Variants in NR5A2 observed in about 807,000 individuals in gnomAD.
The protein encoded by NR5A2 is nuclear receptor subfamily 5 group A member 2.
A neutral mutation model predicts 62.7 loss-of-function variants in NR5A2; 26 were observed. The ratio of observed to expected loss-of-function variants is 0.41; its 90% confidence interval spans 0.30 to 0.58. The LOEUF is 0.58. Ranked by LOEUF, NR5A2 falls within the 20% of genes least tolerant of loss-of-function variation. The pLI is 0.22. For missense variants in NR5A2, 541 were observed against 669.1 expected, an observed-to-expected ratio of 0.81 and a Z score of 2.11; for synonymous variants, 246 against 241.7, an observed-to-expected ratio of 1.02 and a Z score of -0.16.
rs1409298590 is a variant in NR5A2 at position 200,111,223 on chromosome 1, C to A, written c.1132C>A (p.Leu378Ile). 2 of 1,612,264 alleles carry A rather than the reference C, an allele frequency of 1.2e-6. No individual in the cohort carries two copies. Among genetic ancestry groups the A allele is most frequent in the Non-Finnish European group, 8.5e-7 (1 of 1,179,552 alleles). Residue 378 changes from leucine to isoleucine, a missense_variant, in exon 6 of 8, where the codon CTT becomes ATT. Leu to Ile is a conservative substitution (Grantham distance 5, BLOSUM62 2). Transcript: ENST00000367362. ...GCAGGTTGATGACCAAATGAAGCTG[C>A]TTCAGAACTGCTGGAGTGAGCTCTT... is the stretch of plus-strand genomic sequence containing the variant. ...ELKVDDQMKL[L>I]QNCWSELLIL...
At chr1:200,123,765 T>TTG (rs1666581242) in intron 7 of NR5A2, among the ~76,000 whole-genome samples, 1 of 148,550 alleles carries the variant, frequency 6.7e-6, no homozygotes, top group African/African-American at 2.5e-5. Flanking sequence ...TTTTTTTTTT[T>TTG]GCTTTTATTC....
chr1:200,097,135 C>T lies in NR5A2; in HGVS notation c.1111-14067C>T, dbSNP rs1182390298. ...CATGGAAAATGTAAACGATTTCTTT[C>T]TATAAATATCAAACCCATTTTCTCT... On this transcript the variant is annotated intron_variant, in intron 5 of 7. Coordinates refer to ENST00000367362, the MANE Select transcript of NR5A2 (RefSeq NM_205860.3). Among the ~76,000 whole-genome samples, 5 of 152,190 alleles carry T rather than the reference C, an allele frequency of 3.3e-5. No individual in the cohort carries two copies. In the South Asian group the frequency reaches 6.2e-4, roughly 19 times the overall value.
chr1:200,158,942 C>T (rs1471391513), intron 7 of NR5A2, among the ~76,000 whole-genome samples: 5 of 151,744 alleles, frequency 3.3e-5, no homozygotes, highest in African/African-American at 4.8e-5. Flanking sequence ...CTCTGTCACC[C>T]AGGCTAGAAT....
chr1:200,035,544 G>C (rs185681705), intron 1 of NR5A2, among the ~76,000 whole-genome samples: 41 of 152,286 alleles, frequency 2.7e-4, no homozygotes, highest in Admixed American at 2.5e-3. Flanking sequence ...CGGGAAGGAG[G>C]GGGTGGGGAG....
intron 5 of NR5A2, among the ~76,000 whole-genome samples, chr1:200,106,806 T>C (rs567382986): frequency 4.3e-4 from 66 of 152,342 alleles, no homozygotes; most frequent in African/African-American, 1.5e-3. Context: ...TGCTCAATTG[T>C]TGAGAACAAG....
chr1:200,035,789 G>T (rs1375027714), intron 1 of NR5A2, among the ~76,000 whole-genome samples: 3 of 152,206 alleles, frequency 2.0e-5, no homozygotes, highest in Non-Finnish European at 2.9e-5. Context: ...GGCGAGCCCT[G>T]GAGACCTGTC....
rs532180935 is a variant in NR5A2, at chr1:200,144,827, G to C, written c.1378+23872G>C. 6.6e-5 allele frequency among the ~76,000 whole-genome samples: 10 copies of C among 152,302 alleles called. No individual in the cohort carries two copies. The South Asian group carries it at 2.1e-3, about 32-fold the overall frequency. On this transcript the variant is annotated intron_variant, in intron 7 of 7. Coordinates refer to ENST00000367362, the MANE Select transcript of NR5A2 (RefSeq NM_205860.3). ...AGATAAGGAAATTGAGCGTGAGTAA[G>C]TCTTACCCAGGTCCTTATGAAACTA...
At chr1:200,077,751 T>C (rs1477170522) in intron 5 of NR5A2, among the ~76,000 whole-genome samples, 1 of 152,178 alleles carries the variant, frequency 6.6e-6, no homozygotes, top group Non-Finnish European at 1.5e-5. Context: ...CAATTAATTT[T>C]GCATCAACTT....
At chr1:200,161,551 G>A (rs1480399961) in intron 7 of NR5A2, among the ~76,000 whole-genome samples, 1 of 152,098 alleles carries the variant, frequency 6.6e-6, no homozygotes, top group Non-Finnish European at 1.5e-5. Context: ...CAAAATACAG[G>A]CTTCCTGAAA....
chr1:200,074,608 G>T (rs2816921), intron 5 of NR5A2, among the ~76,000 whole-genome samples: 3 of 150,388 alleles, frequency 2.0e-5, no homozygotes, highest in African/African-American at 4.9e-5. Flanking sequence ...TTGGTGGCGG[G>T]TGCCTGTAGT....
chr1:200,107,891 A>G (rs1040644057), intron 5 of NR5A2, among the ~76,000 whole-genome samples: 33 of 152,046 alleles, frequency 2.2e-4, no homozygotes, highest in African/African-American at 7.5e-4. Context: ...TCGGCCTCCC[A>G]AAGTGCTGGG....
At chr1:200,136,184 G>A (rs1286657966) in intron 7 of NR5A2, among the ~76,000 whole-genome samples, 3 of 152,028 alleles carry the variant, frequency 2.0e-5, no homozygotes, top group African/African-American at 7.2e-5. Flanking sequence ...CCTGCCCTCT[G>A]GGAATGCCTA....
intron 5 of NR5A2, among the ~76,000 whole-genome samples, chr1:200,053,191 G>A (rs947797095): frequency 1.3e-5 from 2 of 152,150 alleles, no homozygotes; most frequent in African/African-American, 4.8e-5. Flanking sequence ...GAAGATGAAA[G>A]GGAAAAGGGC....
chr1:200,048,638 G>A lies in NR5A2; in HGVS notation c.930G>A (p.Lys310=). ...SIPHLILELL[K]CEPDEPQVQA... ...CACATCTGATACTGGAACTTTTGAA[G>A]TGTGAGCCAGATGAGCCTCAAGTCC... The change falls in exon 5 of 8, where the codon AAG becomes AAA. Residue 310 remains lysine (K), a synonymous_variant. Transcript: ENST00000367362. The surrounding 1 kb of genome is among the most constrained non-coding windows in gnomAD (Gnocchi z 4.8). The A allele has an allele frequency of 1.9e-6, 3 of 1,614,188 alleles. No homozygotes were observed. Among genetic ancestry groups the A allele is most frequent in the Middle Eastern group, 1.6e-4 (1 of 6,062 alleles).
At chr1:200,071,986 C>T (rs956712322) in intron 5 of NR5A2, among the ~76,000 whole-genome samples, 1 of 152,036 alleles carries the variant, frequency 6.6e-6, no homozygotes, top group African/African-American at 2.4e-5. Flanking sequence ...AATGCTGGTT[C>T]AAGCTGACAA....
intron 7 of NR5A2, among the ~76,000 whole-genome samples, chr1:200,128,803 C>G (rs1020455734): frequency 6.6e-6 from 1 of 152,080 alleles, no homozygotes; most frequent in Non-Finnish European, 1.5e-5. Flanking sequence ...TAACTCGGCT[C>G]TTGCAATATG....
intron 5 of NR5A2, among the ~76,000 whole-genome samples, chr1:200,102,105 A>G (rs960840772): frequency 6.6e-6 from 1 of 152,244 alleles, no homozygotes; most frequent in Non-Finnish European, 1.5e-5. Flanking sequence ...CTTTATATAA[A>G]GTAGTGTTAC....
rs756874909 is a variant in NR5A2, at chr1:200,066,588, C to CT, written c.1110+17787dup. On this transcript the variant is annotated intron_variant, in intron 5 of 7. Coordinates refer to ENST00000367362, the MANE Select transcript of NR5A2 (RefSeq NM_205860.3). ...CCCTGCCATCTATTTAATTAATTAT[C>CT]TTTTTTTTTTTTTTTTTGAGAGGGA... 2.3e-3 allele frequency among the ~76,000 whole-genome samples: 258 copies of CT among 113,132 alleles called. 13 individuals carry two copies. Among genetic ancestry groups the CT allele is most frequent in the East Asian group, 7.2e-3 (31 of 4,322 alleles). 74.2% of individuals were successfully genotyped at this position (113,132 alleles called of 152,430 possible).
chr1:200,069,688 A>C (rs1663649759), intron 5 of NR5A2, among the ~76,000 whole-genome samples: 1 of 152,208 alleles, frequency 6.6e-6, no homozygotes, highest in Non-Finnish European at 1.5e-5. Context: ...AGGTCCTCAT[A>C]CTGCAGAAAT....
Sources: gnomAD v4.1 joint callset for allele counts (sites outside exome capture counted in the v4.1 genomes callset) on GRCh38, gnomAD v4.1.1 for gene constraint, Gnocchi (gnomAD v3.1) non-coding constraint, MANE v1.5 for transcripts, NCBI Gene and HGNC (gene_info 2026-07-23, HGNC 2026-07-21) for gene names.